The following FABP12 variants were observed in gnomAD, a reference collection of about 807,000 sequenced individuals.
FABP12 encodes fatty acid binding protein 12.
FABP12 carries 19 observed loss-of-function variants against 13.7 expected under a neutral mutation model. That is an observed-to-expected ratio of 1.39 (90% CI 0.97 to 2.04). FABP12 has a LOEUF of 2.04. Ranked by LOEUF, FABP12 falls within the 30% of genes most tolerant of loss-of-function variation. FABP12 has a pLI of 0.00. For missense variants in FABP12, 182 were observed against 164.2 expected (o/e 1.11, Z -0.59); for synonymous variants, 61 against 57.0 (o/e 1.07, Z -0.32).
chr8:81,544,227 G>A (rs904246730), intron 1 of FABP12, among the ~76,000 whole-genome samples: 6 of 152,176 alleles, frequency 3.9e-5, no homozygotes, highest in Non-Finnish European at 8.8e-5. Context: ...GTGGCTTATG[G>A]CAACAGAAAT....
intron 1 of FABP12, among the ~76,000 whole-genome samples, chr8:81,579,562 C>G (rs1035579420): frequency 6.6e-6 from 1 of 152,110 alleles, no homozygotes; most frequent in Non-Finnish European, 1.5e-5. Context: ...GCAATTAATT[C>G]TTGATTACTC....
At chr8:81,527,111 G>T (rs781419689) in exon 4 of FABP12, 18 of 1,597,988 alleles carry the variant, frequency 1.1e-5, no homozygotes, top group Non-Finnish European at 1.5e-5. Flanking sequence ...CTTATCTAAG[G>T]TTACTTTACT....
At chr8:81,534,254 AC>A (rs1454292343), upstream of FABP12, among the ~76,000 whole-genome samples, 1 of 151,992 alleles carries the variant, frequency 6.6e-6, no homozygotes, top group African/African-American at 2.4e-5. Context: ...CTTCCTGCAG[AC>A]CCTTTCCTGC....
At chr8:81,576,969 C>T (rs1162163527) in intron 1 of FABP12, among the ~76,000 whole-genome samples, 1 of 152,138 alleles carries the variant, frequency 6.6e-6, no homozygotes, top group Admixed American at 6.5e-5. Context: ...GGTCACATGG[C>T]CATATACCAC....
chr8:81,555,134 A>G (rs1809590336), intron 1 of FABP12, among the ~76,000 whole-genome samples: 1 of 152,238 alleles, frequency 6.6e-6, no homozygotes, highest in South Asian at 2.1e-4. Context: ...ATTGTGAACT[A>G]AAAGGCAGCC....
intron 1 of FABP12, among the ~76,000 whole-genome samples, chr8:81,562,855 T>C (rs1809747611): frequency 1.3e-5 from 2 of 152,182 alleles, no homozygotes; most frequent in Non-Finnish European, 2.9e-5. Context: ...CTTACTTACC[T>C]AAGGAGAGGA....
At chr8:81,529,207 T>A (rs903066408) in intron 3 of FABP12, among the ~76,000 whole-genome samples, 10 of 152,180 alleles carry the variant, frequency 6.6e-5, no homozygotes, top group Non-Finnish European at 1.5e-4. Context: ...AGCGTCTGCA[T>A]CAGATTCATT....
exon 2 of FABP12, chr8:81,531,276 A>G (rs1322233963): frequency 6.2e-7 from 1 of 1,607,146 alleles, no homozygotes; most frequent in Non-Finnish European, 8.5e-7. Context: ...GAATTTTCAC[A>G]AGAAATGGAC....
chr8:81,530,389 A>T (rs1011688894), intron 2 of FABP12, among the ~76,000 whole-genome samples: 1 of 152,188 alleles, frequency 6.6e-6, no homozygotes, highest in African/African-American at 2.4e-5. Context: ...TTGATGAACA[A>T]TTCATTTGTT....
chr8:81,550,466 T>G (rs10106526), intron 1 of FABP12, among the ~76,000 whole-genome samples: 1 of 152,080 alleles, frequency 6.6e-6, no homozygotes. Context: ...CCAGGAGACA[T>G]GTGATGTGAA....
chr8:81,538,105 G>T (rs138525863), upstream of FABP12, among the ~76,000 whole-genome samples: 2 of 152,268 alleles, frequency 1.3e-5, no homozygotes, highest in African/African-American at 4.8e-5. Context: ...TAGAGCAAGG[G>T]ACAGAGATCG....
At chr8:81,539,806 C>A (rs369916166) in intron 1 of FABP12, among the ~76,000 whole-genome samples, 1 of 152,172 alleles carries the variant, frequency 6.6e-6, no homozygotes, top group African/African-American at 2.4e-5. Flanking sequence ...ATGATTCAGA[C>A]CCTGCTGGGT....
At chr8:81,543,931 G>C (rs762461339) in intron 1 of FABP12, among the ~76,000 whole-genome samples, 16 of 151,952 alleles carry the variant, frequency 1.1e-4, no homozygotes, top group Non-Finnish European at 2.2e-4. Flanking sequence ...AGAGAGATGA[G>C]TGTATTTTGA....
At chr8:81,583,008 T>G (rs1393442890) in intron 1 of FABP12, among the ~76,000 whole-genome samples, 1 of 152,120 alleles carries the variant, frequency 6.6e-6, no homozygotes, top group African/African-American at 2.4e-5. Flanking sequence ...AAGTACCTTC[T>G]CAGACCACAA....
chr8:81,589,851 C>T (rs1191995047), intron 1 of FABP12, among the ~76,000 whole-genome samples: 2 of 152,132 alleles, frequency 1.3e-5, no homozygotes, highest in African/African-American at 2.4e-5. Flanking sequence ...AATAGTTGGC[C>T]TTAAATATAG....
chr8:81,539,901 G>A (rs1435609995), intron 1 of FABP12, among the ~76,000 whole-genome samples: 2 of 152,108 alleles, frequency 1.3e-5, no homozygotes, highest in Admixed American at 6.5e-5. Flanking sequence ...CCAGGCTCTC[G>A]GCCAATTACG....
chr8:81,525,244 G>T, intron 4 of FABP12, 124 bp from the exon 5 acceptor site: 3 of 635,720 alleles, frequency 4.7e-6, no homozygotes, highest in Non-Finnish European at 8.0e-6. Flanking sequence ...GGCCGGGCGC[G>T]GTGGCTCACA....
intron 1 of FABP12, among the ~76,000 whole-genome samples, chr8:81,553,389 C>G (rs1307992475): frequency 6.6e-6 from 1 of 152,180 alleles, no homozygotes; most frequent in Non-Finnish European, 1.5e-5. Context: ...ATTTTGGACA[C>G]AGTGCTATTG....
Position 81,583,487 on chromosome 8 carries a change from A to G in FABP12, c.-185+6566T>C, listed in dbSNP as rs189579538. Among the ~76,000 whole-genome samples the G allele has an allele frequency of 7.2e-5, 11 of 152,230 alleles. No individual in the cohort carries two copies. The East Asian group carries it at 1.7e-3, about 24-fold the overall frequency. Reference sequence around the variant, plus strand: ...AAAAAGAAAGAATGCCCAAATAAACATAATCAAAAATGAAAAAGGAGACAT... The same window carrying G: ...AAAAAGAAAGAATGCCCAAATAAACGTAATCAAAAATGAAAAAGGAGACAT... On this transcript the variant is annotated intron_variant, in intron 1 of 5. Coordinates refer to the FABP12 transcript ENST00000692030.
Sources: allele counts gnomAD v4.1 joint callset (sites outside exome capture counted in the v4.1 genomes callset), GRCh38; gene constraint gnomAD v4.1.1; transcripts MANE v1.5; gene names NCBI Gene and HGNC (gene_info 2026-07-23, HGNC 2026-07-21).